The following QTMAN variants were observed in gnomAD, a reference collection of about 807,000 sequenced individuals.
QTMAN encodes tRNA-queuosine alpha-mannosyltransferase.
chr2:144,117,655 T>TA, the QTMAN span, among the ~76,000 whole-genome samples: 1 of 152,224 alleles, frequency 6.6e-6, no homozygotes, highest in Non-Finnish European at 1.5e-5. Context: ...CTTTGACTTT[T>TA]AAATAGGTCA....
At chr2:144,184,779 T>C in the QTMAN span, among the ~76,000 whole-genome samples, 1 of 152,192 alleles carries the variant, frequency 6.6e-6, no homozygotes, top group East Asian at 1.9e-4. Flanking sequence ...GCATCAGGAA[T>C]TCTATTAAAG....
chr2:144,011,519 TA>T, the QTMAN span: 1 of 559,274 alleles, frequency 1.8e-6, no homozygotes, highest in Non-Finnish European at 2.3e-6. Flanking sequence ...GGCATAATAC[TA>T]ACAAGCAGTT....
chr2:144,110,689 A>C, the QTMAN span, among the ~76,000 whole-genome samples: 23,371 of 88,390 alleles, frequency 0.26, 2,234 homozygotes, highest in African/African-American at 0.31. Flanking sequence ...ACCCCCCCCC[A>C]AAAAAAAAAA....
At chr2:143,989,457 C>A in the QTMAN span, among the ~76,000 whole-genome samples, 1 of 152,064 alleles carries the variant, frequency 6.6e-6, no homozygotes, top group South Asian at 2.1e-4. Flanking sequence ...CCAAAACATC[C>A]ATCTCCTCCA....
the QTMAN span, among the ~76,000 whole-genome samples, chr2:144,101,082 A>G: frequency 6.6e-6 from 1 of 151,836 alleles, no homozygotes; most frequent in Non-Finnish European, 1.5e-5. Flanking sequence ...GTTAGCCAGG[A>G]TGGTCTCGAT....
At chr2:144,219,750 A>G in the QTMAN span, among the ~76,000 whole-genome samples, 1 of 152,102 alleles carries the variant, frequency 6.6e-6, no homozygotes, top group Admixed American at 6.6e-5. Context: ...TGAGCCTGGG[A>G]GGTGGAGGTT....
chr2:144,103,017 G>A, the QTMAN span, among the ~76,000 whole-genome samples: 1 of 152,120 alleles, frequency 6.6e-6, no homozygotes, highest in Non-Finnish European at 1.5e-5. Flanking sequence ...AGAAAATTCT[G>A]AGAGTCCTAA....
chr2:144,270,948 TAA>T, the QTMAN span, among the ~76,000 whole-genome samples: 2 of 152,212 alleles, frequency 1.3e-5, no homozygotes, highest in East Asian at 3.8e-4. Flanking sequence ...ATAATAAACT[TAA>T]GATTACTACT....
the QTMAN span, among the ~76,000 whole-genome samples, chr2:144,198,568 C>A: frequency 6.6e-6 from 1 of 152,130 alleles, no homozygotes; most frequent in Non-Finnish European, 1.5e-5. Context: ...AAAGAAGAGT[C>A]AAGGACGCAG....
At chr2:144,253,206 T>A in the QTMAN span, among the ~76,000 whole-genome samples, 2 of 152,304 alleles carry the variant, frequency 1.3e-5, no homozygotes, top group African/African-American at 4.8e-5. Flanking sequence ...TCCGCCATAA[T>A]GGTTCTCCTG....
At chr2:144,314,650 T>C in the QTMAN span, among the ~76,000 whole-genome samples, 3 of 152,082 alleles carry the variant, frequency 2.0e-5, no homozygotes, top group African/African-American at 7.2e-5. Context: ...GAGGCAAAGC[T>C]TGCAGTGAGT....
the QTMAN span, among the ~76,000 whole-genome samples, chr2:144,192,986 C>G: frequency 1.1e-4 from 16 of 152,068 alleles, no homozygotes; most frequent in South Asian, 3.1e-3. Flanking sequence ...AATTCTTTTC[C>G]TTGGGGCTTA....
At chr2:144,223,250 G>GT in the QTMAN span, among the ~76,000 whole-genome samples, 2 of 151,370 alleles carry the variant, frequency 1.3e-5, no homozygotes, top group Non-Finnish European at 2.9e-5. Context: ...TAATTAAGAA[G>GT]TTATTTCTAG....
At chr2:143,979,160 TA>T in the QTMAN span, among the ~76,000 whole-genome samples, 19 of 142,158 alleles carry the variant, frequency 1.3e-4, no homozygotes, top group Middle Eastern at 3.5e-3. Flanking sequence ...GTAACAGAAT[TA>T]AAAAAAAAAA....
the QTMAN span, among the ~76,000 whole-genome samples, chr2:144,268,293 T>C: frequency 6.6e-6 from 1 of 152,108 alleles, no homozygotes; most frequent in Non-Finnish European, 1.5e-5. Flanking sequence ...GCTGGTGCCA[T>C]GTTTCTTGTA....
chr2:144,261,558 T>C, the QTMAN span, among the ~76,000 whole-genome samples: 3 of 152,162 alleles, frequency 2.0e-5, no homozygotes, highest in Non-Finnish European at 4.4e-5. Context: ...AGTCTCCACA[T>C]ATGCCCTGCA....
chr2:144,160,992 C>T, the QTMAN span, among the ~76,000 whole-genome samples: 1 of 152,124 alleles, frequency 6.6e-6, no homozygotes, highest in Non-Finnish European at 1.5e-5. Flanking sequence ...TCCACGCAAC[C>T]CAAGAAAATG....
chr2:144,005,189 T>A, the QTMAN span, among the ~76,000 whole-genome samples: 1 of 152,050 alleles, frequency 6.6e-6, no homozygotes, highest in Non-Finnish European at 1.5e-5. Context: ...GTAAACTATA[T>A]TAACCTTATA....
chr2:144,268,484 C>T, the QTMAN span, among the ~76,000 whole-genome samples: 13 of 152,194 alleles, frequency 8.5e-5, no homozygotes, highest in Non-Finnish European at 1.8e-4. Context: ...TTCCTCTCTG[C>T]TCTCTATGTG....
Sources: gnomAD v4.1 joint callset for allele counts (sites outside exome capture counted in the v4.1 genomes callset) on GRCh38, gnomAD v4.1.1 for gene constraint, MANE v1.5 for transcripts, NCBI Gene and HGNC (gene_info 2026-07-23, HGNC 2026-07-21) for gene names.